ADAMTS19: variants seen among roughly 807,000 people sequenced by gnomAD.
The protein encoded by ADAMTS19 is A disintegrin and metalloproteinase with thrombospondin motifs 19.
ADAMTS19 carries 93 observed loss-of-function variants against 153.3 expected under a neutral mutation model. The ratio of observed to expected loss-of-function variants is 0.61; its 90% CI spans 0.51 to 0.72. The LOEUF is 0.72. ADAMTS19 is among the 30% of genes least tolerant of loss of function. The pLI is 0.00. For missense variants in ADAMTS19, 1,482 were observed against 1,552.1 expected (o/e 0.95, Z 0.76); for synonymous variants, 600 against 556.6 (o/e 1.08, Z -1.10).
intron 2 of ADAMTS19, among the ~76,000 whole-genome samples, chr5:129,498,013 T>C (rs1750981405): frequency 6.6e-6 from 1 of 152,050 alleles, no homozygotes; most frequent in African/African-American, 2.4e-5. Flanking sequence ...TGGCTTAGGG[T>C]CTTGAGAGCT....
chr5:129,690,592 A>G (rs1204768416), intron 18 of ADAMTS19, among the ~76,000 whole-genome samples: 2 of 152,216 alleles, frequency 1.3e-5, no homozygotes, highest in African/African-American at 4.8e-5. Context: ...TTAGGGAATA[A>G]TATTTTTTAA....
intron 7 of ADAMTS19, among the ~76,000 whole-genome samples, chr5:129,562,399 C>T (rs1158324526): frequency 6.6e-6 from 1 of 152,212 alleles, no homozygotes; most frequent in Non-Finnish European, 1.5e-5. Context: ...AAATGACTGA[C>T]AGTGAAGTTG....
intron 15 of ADAMTS19, among the ~76,000 whole-genome samples, chr5:129,659,715 G>A (rs1470391328): frequency 6.6e-6 from 1 of 151,906 alleles, no homozygotes; most frequent in Non-Finnish European, 1.5e-5. Context: ...CAAGTAGCCG[G>A]GACTAGAGGC....
chr5:129,674,868 AC>A (rs1333209482), intron 16 of ADAMTS19, among the ~76,000 whole-genome samples: 1 of 152,092 alleles, frequency 6.6e-6, no homozygotes, highest in African/African-American at 2.4e-5. Flanking sequence ...TCACATAGAC[AC>A]CACTTTCCAT....
At chr5:129,596,098 A>T (rs1309945049) in intron 7 of ADAMTS19, among the ~76,000 whole-genome samples, 1 of 152,040 alleles carries the variant, frequency 6.6e-6, no homozygotes, top group African/African-American at 2.4e-5. Context: ...GAATTTCACA[A>T]TTGTATTAAT....
At chr5:129,736,872 T>C (rs1182457160) in intron 22 of ADAMTS19, among the ~76,000 whole-genome samples, 195 bp from the exon 23 acceptor site, 1 of 152,072 alleles carries the variant, frequency 6.6e-6, no homozygotes. Flanking sequence ...TAAGTAAAAA[T>C]ATTATTCATT....
chr5:129,710,520 T>G (rs1245174186), intron 21 of ADAMTS19, among the ~76,000 whole-genome samples: 1 of 152,044 alleles, frequency 6.6e-6, no homozygotes, highest in Non-Finnish European at 1.5e-5. Flanking sequence ...ATTAGAGAAA[T>G]GCAAATCAAA....
intron 10 of ADAMTS19, among the ~76,000 whole-genome samples, chr5:129,633,053 A>G (rs977864406): frequency 2.0e-5 from 3 of 152,098 alleles, no homozygotes; most frequent in Non-Finnish European, 1.5e-5. Flanking sequence ...AGCTTTCTGT[A>G]AATCTTTCAT....
intron 2 of ADAMTS19, among the ~76,000 whole-genome samples, chr5:129,468,406 T>C (rs1473708291): frequency 6.6e-6 from 1 of 152,208 alleles, no homozygotes; most frequent in African/African-American, 2.4e-5. Flanking sequence ...CAGGCTGGAA[T>C]GCAGTGGCAC....
At position 129,572,822 on chromosome 5, in the gene ADAMTS19, GT is replaced by G. The variant is rs2126867218; in HGVS notation, c.1372+20916del. Among the ~76,000 whole-genome samples, 3 of 152,052 alleles carry G rather than the reference GT, an allele frequency of 2.0e-5. No individual in the cohort carries two copies. In the South Asian group the frequency reaches 6.2e-4, roughly 31 times the overall value. Reference sequence around the variant, plus strand: ...TTTTGGGGTGTGATGGAAATGTTCTGTCCCCTGATTATTGTGGTCATTGCAC... The same window carrying G: ...TTTTGGGGTGTGATGGAAATGTTCTGCCCCTGATTATTGTGGTCATTGCAC... On this transcript the variant is annotated intron_variant, in intron 7 of 22. Transcript: ENST00000274487.
rs114159923 is a variant in ADAMTS19 at position 129,689,309 on chromosome 5, C to T, written c.2818+5036C>T. 4.8e-3 allele frequency among the ~76,000 whole-genome samples: 738 copies of T among 152,294 alleles called. 5 individuals carry two copies. The highest frequency in any genetic ancestry group is 0.015 in the African/African-American group (627 of 41,562). On this transcript the variant is annotated intron_variant, in intron 18 of 22. Coordinates refer to ENST00000274487, the MANE Select transcript of ADAMTS19 (RefSeq NM_133638.6). ...CCAGATCATAAGTAGATATCCAAGC[C>T]TTTGGGTCCAAGTTGAGGAAAACAT...
chr5:129,627,619 C>A (rs1284635726), intron 10 of ADAMTS19, among the ~76,000 whole-genome samples: 2 of 151,720 alleles, frequency 1.3e-5, no homozygotes, highest in Non-Finnish European at 1.5e-5. Flanking sequence ...AAAACCGACC[C>A]CATTAAAAAG....
At chr5:129,506,872 A>G (rs1383378824) in intron 2 of ADAMTS19, among the ~76,000 whole-genome samples, 2 of 151,896 alleles carry the variant, frequency 1.3e-5, no homozygotes, top group East Asian at 3.9e-4. Context: ...CTTATTAGTT[A>G]GAAGGATATG....
intron 1 of ADAMTS19, among the ~76,000 whole-genome samples, chr5:129,460,891 C>G (rs1414603088): frequency 1.3e-5 from 2 of 151,870 alleles, no homozygotes; most frequent in African/African-American, 2.4e-5. Context: ...CTCCCCCGCC[C>G]CTAATATAAT....
intron 7 of ADAMTS19, among the ~76,000 whole-genome samples, chr5:129,587,173 A>G (rs1009907339): frequency 6.6e-6 from 1 of 152,098 alleles, no homozygotes; most frequent in Non-Finnish European, 1.5e-5. Context: ...ATGTAATTAT[A>G]TAATCTACTG....
chr5:129,549,300 ATAT>A (rs1459907733), intron 6 of ADAMTS19, among the ~76,000 whole-genome samples: 1 of 151,588 alleles, frequency 6.6e-6, no homozygotes, highest in Non-Finnish European at 1.5e-5. Flanking sequence ...CATTTAAAAG[ATAT>A]TATATAACTA....
chr5:129,478,267 TAATAA>T (rs1175175028), intron 2 of ADAMTS19, among the ~76,000 whole-genome samples: 1 of 152,178 alleles, frequency 6.6e-6, no homozygotes, highest in African/African-American at 2.4e-5. Flanking sequence ...TTTTTGTCAT[TAATAA>T]AATAATAACC....
chr5:129,688,370 T>C (rs1385847446), intron 18 of ADAMTS19, among the ~76,000 whole-genome samples: 1 of 152,186 alleles, frequency 6.6e-6, no homozygotes, highest in Non-Finnish European at 1.5e-5. Flanking sequence ...TAAGATGTTA[T>C]TTTTCTAATT....
chr5:129,534,568 T>C (rs540532578), intron 6 of ADAMTS19, among the ~76,000 whole-genome samples: 1 of 152,284 alleles, frequency 6.6e-6, no homozygotes, highest in African/African-American at 2.4e-5. Flanking sequence ...CCCTAACTCA[T>C]TTTATGAGGC....
Sources: allele counts gnomAD v4.1 joint callset (sites outside exome capture counted in the v4.1 genomes callset), GRCh38; gene constraint gnomAD v4.1.1; transcripts MANE v1.5; gene names NCBI Gene and HGNC (gene_info 2026-07-23, HGNC 2026-07-21).